Variants in NDST4 observed in about 807,000 individuals in gnomAD.
NDST4 encodes the protein N-heparan sulfate sulfotransferase 4.
In NDST4, 63 loss-of-function variants were observed where a neutral mutation model predicts 100.8. The observed-to-expected ratio is 0.62, with a 90% confidence interval of 0.51 to 0.77. The LOEUF is 0.77. Among genes scored for constraint, NDST4 ranks in the 30% least tolerant of loss-of-function variants. The pLI is 0.00. For synonymous variants in NDST4, 377 were observed against 361.8 expected (o/e 1.04, Z -0.48); for missense variants, 943 against 1,018.4 (o/e 0.93, Z 1.01).
intron 6 of NDST4, among the ~76,000 whole-genome samples, chr4:114,876,264 A>C (rs1337722472): frequency 2.0e-5 from 3 of 152,122 alleles, no homozygotes; most frequent in Non-Finnish European, 4.4e-5. Context: ...GCCCCTTTTC[A>C]GAATAGTTCA....
At chr4:115,113,198 T>G (rs1682816656) in intron 1 of NDST4, among the ~76,000 whole-genome samples, 1 of 151,970 alleles carries the variant, frequency 6.6e-6, no homozygotes, top group Non-Finnish European at 1.5e-5. Context: ...TCAAGTTGTA[T>G]CTCTTTTTTT....
chr4:115,031,099 GA>G (rs774043872), intron 2 of NDST4, among the ~76,000 whole-genome samples: 31 of 152,176 alleles, frequency 2.0e-4, no homozygotes, highest in Non-Finnish European at 4.0e-4. Flanking sequence ...GGGATTAAAA[GA>G]AATGTATTCC....
At chr4:115,101,840 G>A (rs952677899) in intron 1 of NDST4, among the ~76,000 whole-genome samples, 2 of 152,158 alleles carry the variant, frequency 1.3e-5, no homozygotes, top group Admixed American at 6.5e-5. Flanking sequence ...CTCTGTAAGC[G>A]ATATGAGATT....
At chr4:114,996,595 G>T (rs897494520) in intron 2 of NDST4, among the ~76,000 whole-genome samples, 1 of 151,988 alleles carries the variant, frequency 6.6e-6, no homozygotes, top group Non-Finnish European at 1.5e-5. Flanking sequence ...TGTTTCCTAG[G>T]TTCTAGCTTC....
chr4:114,868,874 C>T (rs549675055), intron 7 of NDST4, among the ~76,000 whole-genome samples: 77 of 150,858 alleles, frequency 5.1e-4, no homozygotes, highest in African/African-American at 1.7e-3. Context: ...TATTCTCTCT[C>T]TTATGATGAA....
At chr4:114,941,001 G>A (rs1270351215) in intron 4 of NDST4, among the ~76,000 whole-genome samples, 1 of 152,132 alleles carries the variant, frequency 6.6e-6, no homozygotes, top group Non-Finnish European at 1.5e-5. Flanking sequence ...ACATTCAAGT[G>A]GGAAAACAAG....
chr4:114,931,113 T>G (rs1725504126), intron 6 of NDST4, among the ~76,000 whole-genome samples: 1 of 152,124 alleles, frequency 6.6e-6, no homozygotes, highest in African/African-American at 2.4e-5. Context: ...AATAGGCTCC[T>G]CTGATAAAAT....
chr4:114,883,562 A>C (rs1728684760), intron 6 of NDST4, among the ~76,000 whole-genome samples: 1 of 152,120 alleles, frequency 6.6e-6, no homozygotes, highest in Non-Finnish European at 1.5e-5. Flanking sequence ...AAAAAGTAGA[A>C]AACAGTTACA....
At chr4:114,968,207 T>C (rs746187201) in intron 4 of NDST4, among the ~76,000 whole-genome samples, 4 of 152,196 alleles carry the variant, frequency 2.6e-5, no homozygotes, top group African/African-American at 7.2e-5. Context: ...CTTTGTAACA[T>C]ATCATAGTAT....
Position 114,937,445 on chromosome 4 carries a change from T to A in NDST4, c.1280A>T (p.Tyr427Phe), listed in dbSNP as rs773776915. The part of the protein sequence containing the change: ...YAVAPHHSGV[Y>F]PVHIQLYAAW... ...TGCATACAGCTGAATGTGAACCGGG[T>A]AGACCCCTGAGTGATGTGGGGCCAC... is the stretch of plus-strand genomic sequence containing the variant. Residue 427 changes from tyrosine to phenylalanine, a missense_variant, in exon 5 of 14, where the codon TAC (tyrosine) becomes TTC (phenylalanine). By Grantham distance (22) the Tyr-to-Phe change is conservative. Around this residue, in one of 2 missense-constraint regions of NDST4, gnomAD observed 526 missense variants for 634.1 expected, o/e 0.83. Transcript: ENST00000264363. The A allele has an allele frequency of 1.2e-6, 2 of 1,612,014 alleles. No individual in the cohort carries two copies. Among genetic ancestry groups the A allele is most frequent in the East Asian group, 4.5e-5 (2 of 44,854 alleles).
chr4:114,958,403 A>T (rs1373265888), intron 4 of NDST4, among the ~76,000 whole-genome samples: 1 of 148,966 alleles, frequency 6.7e-6, no homozygotes, highest in Non-Finnish European at 1.5e-5. Context: ...TGAGACCCCC[A>T]GTCTCTTTCT....
At chr4:114,893,617 T>G (rs1198882794) in intron 6 of NDST4, among the ~76,000 whole-genome samples, 3 of 152,102 alleles carry the variant, frequency 2.0e-5, no homozygotes, top group African/African-American at 7.2e-5. Flanking sequence ...TGTGTTTAAG[T>G]TCCTTGTAAA....
At chr4:114,891,817 C>T (rs1481425862) in intron 6 of NDST4, among the ~76,000 whole-genome samples, 2 of 152,108 alleles carry the variant, frequency 1.3e-5, no homozygotes, top group African/African-American at 4.8e-5. Flanking sequence ...ATGGTCTAAC[C>T]TTAACCTTGA....
At chr4:115,014,842 C>T (rs1016445596) in intron 2 of NDST4, among the ~76,000 whole-genome samples, 1 of 152,030 alleles carries the variant, frequency 6.6e-6, no homozygotes. Context: ...GAACACTTAA[C>T]CATTTGCCAC....
At chr4:114,899,229 G>A (rs1186468751) in intron 6 of NDST4, among the ~76,000 whole-genome samples, 1 of 152,156 alleles carries the variant, frequency 6.6e-6, no homozygotes, top group East Asian at 1.9e-4. Context: ...CCAGGCTGGA[G>A]TGCAGTGGCA....
chr4:114,989,100 A>G (rs2028481), intron 2 of NDST4, among the ~76,000 whole-genome samples: 50,444 of 151,988 alleles, frequency 0.33, 8,417 homozygotes, highest in South Asian at 0.47. Flanking sequence ...GCACATTTAT[A>G]ACAAAGTAGG....
chr4:115,044,678 T>C (rs1728427589), intron 2 of NDST4, among the ~76,000 whole-genome samples: 1 of 146,860 alleles, frequency 6.8e-6, no homozygotes, highest in Non-Finnish European at 1.5e-5. Context: ...CAAGACACCA[T>C]GAGTAAAAGT....
chr4:114,950,669 A>G (rs946062949), intron 4 of NDST4, among the ~76,000 whole-genome samples: 2 of 152,102 alleles, frequency 1.3e-5, no homozygotes, highest in African/African-American at 4.8e-5. Context: ...CTGGAAGAGT[A>G]CAGTAATTGG....
At chr4:115,093,098 A>G (rs1034104490) in intron 1 of NDST4, among the ~76,000 whole-genome samples, 1 of 152,202 alleles carries the variant, frequency 6.6e-6, no homozygotes, top group African/African-American at 2.4e-5. Context: ...CAAAGCAAAA[A>G]TAGTCAGAAC....
Sources: gnomAD v4.1 joint callset for allele counts (sites outside exome capture counted in the v4.1 genomes callset) on GRCh38, gnomAD v4.1.1 for gene constraint, gnomAD v4.1.1 regional missense constraint, MANE v1.5 for transcripts, NCBI Gene and HGNC (gene_info 2026-07-23, HGNC 2026-07-21) for gene names.